Variants in PARD3B observed in about 807,000 individuals in gnomAD.
The protein encoded by PARD3B is partitioning defective 3 homolog B.
A neutral mutation model predicts 130.2 loss-of-function variants in PARD3B; 103 were observed. The observed-to-expected ratio is 0.79, with a 90% confidence interval of 0.67 to 0.93. The LOEUF is 0.93. Ranked by LOEUF, PARD3B falls within the 40% of genes least tolerant of loss-of-function variation. The probability of loss-of-function intolerance (pLI) is 0.00; values close to 1 mark genes in which losing one functional copy is unlikely to be tolerated. For synonymous variants in PARD3B, 583 were observed against 553.2 expected, an observed-to-expected ratio of 1.05 and a Z score of -0.76; for missense variants, 1,609 against 1,499.2, an observed-to-expected ratio of 1.07 and a Z score of -1.21.
chr2:204,692,192 A>T (rs371492308), intron 2 of PARD3B, among the ~76,000 whole-genome samples: 1 of 152,090 alleles, frequency 6.6e-6, no homozygotes, highest in African/African-American at 2.4e-5. Flanking sequence ...TTATTTGAAA[A>T]TAATTTTTGC....
intron 2 of PARD3B, among the ~76,000 whole-genome samples, chr2:204,789,706 G>A (rs777295437): frequency 2.6e-5 from 4 of 151,816 alleles, no homozygotes; most frequent in South Asian, 2.1e-4. Context: ...ATTTGTTCTC[G>A]GAAATTTTTA....
rs200148639 is a variant in PARD3B at position 204,623,130 on chromosome 2, T to A, written c.121-63051T>A. 6.6e-5 allele frequency among the ~76,000 whole-genome samples: 10 copies of A among 152,308 alleles called. No homozygotes were observed. In the East Asian group the frequency reaches 1.9e-3, roughly 29 times the overall value. On this transcript the variant is annotated intron_variant, in intron 1 of 22. Transcript: ENST00000406610. The surrounding 1 kb of genome is among the most constrained non-coding windows in gnomAD (Gnocchi z 4.5). ...GGCTGTATCCTTAGCCAGCAATTTTTATTTTTTAAAACTCTTTGTTTTGAA... is the reference window on the plus strand; with the variant it reads ...GGCTGTATCCTTAGCCAGCAATTTTAATTTTTTAAAACTCTTTGTTTTGAA...
intron 20 of PARD3B, among the ~76,000 whole-genome samples, chr2:205,494,400 A>G (rs1445961357): frequency 6.6e-6 from 1 of 151,996 alleles, no homozygotes; most frequent in African/African-American, 2.4e-5. Context: ...CTGCCTCTCA[A>G]TCCTGGTCCT....
intron 22 of PARD3B, among the ~76,000 whole-genome samples, chr2:205,599,894 T>C (rs1464411120): frequency 6.6e-6 from 1 of 152,182 alleles, no homozygotes; most frequent in African/African-American, 2.4e-5. Context: ...ATCAACAGAG[T>C]AGGCCCAGTT....
At chr2:205,054,404 T>TTTTATA (rs1479400750) in intron 4 of PARD3B, among the ~76,000 whole-genome samples, 3 of 33,810 alleles carry the variant, frequency 8.9e-5, no homozygotes, top group Non-Finnish European at 1.8e-4. Context: ...GACATGTCTT[T>TTTTATA]TATATATATA....
In PARD3B at chr2:204,967,840, G is replaced by C. The variant is rs1360200355; in HGVS notation, c.394+2517G>C. ...TGTGGTTGGCAGTAGAGGCAGTATT[G>C]ATGGCACTTCTGGGAGTGTGACCTG... On this transcript the variant is annotated intron_variant, in intron 3 of 22. Coordinates refer to ENST00000406610, the MANE Select transcript of PARD3B (RefSeq NM_001302769.2). This position sits in a 1 kb window ranked among gnomAD's most constrained non-coding sequence, Gnocchi z 4.4. Among the ~76,000 whole-genome samples, 1 of 152,130 alleles carries C rather than the reference G, an allele frequency of 6.6e-6. No individual in the cohort carries two copies. Among genetic ancestry groups the C allele is most frequent in the Non-Finnish European group, 1.5e-5 (1 of 68,024 alleles).
chr2:204,585,371 T>G lies in PARD3B; in HGVS notation c.120+39252T>G, dbSNP rs547922391. ...TTCTTTTCTTCAGATCTTGCTCTGT[T>G]GCCCAGGCTGGAGTGCAGTGGTGCA... On this transcript the variant is annotated intron_variant, in intron 1 of 22. Coordinates refer to ENST00000406610, the MANE Select transcript of PARD3B (RefSeq NM_001302769.2). Among the ~76,000 whole-genome samples the G allele has an allele frequency of 2.2e-4, 33 of 152,292 alleles. No homozygotes were observed. The South Asian group carries it at 6.8e-3, about 32-fold the overall frequency.
chr2:205,343,473 G>GT (rs2043621837), intron 18 of PARD3B, among the ~76,000 whole-genome samples: 1 of 152,176 alleles, frequency 6.6e-6, no homozygotes, highest in Non-Finnish European at 1.5e-5. Context: ...CTTCAAACAC[G>GT]TAACTTCAGA....
chr2:204,976,799 G>A (rs980494838), intron 3 of PARD3B, among the ~76,000 whole-genome samples: 5 of 151,610 alleles, frequency 3.3e-5, no homozygotes, highest in African/African-American at 4.9e-5. Flanking sequence ...TAGTAGAGAC[G>A]GGGTTTCACC....
chr2:204,761,937 C>G (rs185106012), intron 2 of PARD3B, among the ~76,000 whole-genome samples: 50 of 151,924 alleles, frequency 3.3e-4, no homozygotes, highest in African/African-American at 1.1e-3. Context: ...ATCAGGCTTT[C>G]AATTTCAAAA....
chr2:204,755,917 G>A (rs2040649267), intron 2 of PARD3B, among the ~76,000 whole-genome samples: 1 of 152,066 alleles, frequency 6.6e-6, no homozygotes, highest in African/African-American at 2.4e-5. Context: ...GGTGAATTAG[G>A]ATTTTTAGAG....
chr2:205,390,306 A>C (rs1393845319), intron 18 of PARD3B, among the ~76,000 whole-genome samples: 1 of 152,046 alleles, frequency 6.6e-6, no homozygotes, highest in Non-Finnish European at 1.5e-5. Context: ...ATATGAAAAA[A>C]AAAAAAGCTC....
intron 1 of PARD3B, among the ~76,000 whole-genome samples, chr2:204,641,352 T>A (rs1182357359): frequency 6.6e-6 from 1 of 151,980 alleles, no homozygotes; most frequent in Non-Finnish European, 1.5e-5. Flanking sequence ...GTTTTGGGGA[T>A]AATGAATAGA....
In PARD3B at chr2:205,160,416, G is replaced by T. The variant is rs1466631376; in HGVS notation, c.1620+1509G>T. The stretch of plus-strand genomic sequence containing the variant: ...CCTCTCATGCCTCGAGCTGTCAGAG[G>T]GCCAGCGGCAGTGGGTGAATCCGCG... On this transcript the variant is annotated intron_variant, in intron 11 of 22. Coordinates refer to ENST00000406610, the MANE Select transcript of PARD3B (RefSeq NM_001302769.2). The surrounding 1 kb of genome is among the most constrained non-coding windows in gnomAD (Gnocchi z 4.0). Among the ~76,000 whole-genome samples, 13 of 152,118 alleles carry T rather than the reference G, an allele frequency of 8.5e-5. No individual in the cohort carries two copies. The highest frequency in any genetic ancestry group is 7.9e-4 in the Admixed American group (12 of 15,278).
chr2:204,869,948 T>A lies in PARD3B; in HGVS notation c.223-95204T>A, dbSNP rs558797444. Reference sequence around the variant, plus strand: ...TATCCAGTCAATTACCAGTTTTCTGTTACCTCAGCCACTGGTCAGCATAGT... The same window carrying A: ...TATCCAGTCAATTACCAGTTTTCTGATACCTCAGCCACTGGTCAGCATAGT... On this transcript the variant is annotated intron_variant, in intron 2 of 22. Transcript: ENST00000406610. Among the ~76,000 whole-genome samples, 332 of 152,296 alleles carry A rather than the reference T, an allele frequency of 2.2e-3. 1 individual carries two copies. The highest frequency in any genetic ancestry group is 7.7e-3 in the African/African-American group (319 of 41,554).
chr2:204,711,386 A>G (rs1215418264), intron 2 of PARD3B, among the ~76,000 whole-genome samples: 1 of 152,184 alleles, frequency 6.6e-6, no homozygotes, highest in African/African-American at 2.4e-5. Flanking sequence ...TACATATTAA[A>G]TGTATGAACA....
In PARD3B at chr2:205,391,596, A is replaced by G. The variant is rs77087253; in HGVS notation, c.2631-9417A>G. Among the ~76,000 whole-genome samples, 35 of 152,346 alleles carry G rather than the reference A, an allele frequency of 2.3e-4. No individual in the cohort carries two copies. In the East Asian group the frequency reaches 6.2e-3, roughly 27 times the overall value. On this transcript the variant is annotated intron_variant, in intron 18 of 22. Coordinates refer to ENST00000406610, the MANE Select transcript of PARD3B (RefSeq NM_001302769.2). ...TCGTAAGCATTTCATCTGAGTCACT[A>G]AGGCTCTTGACTACCATGTTTTGAA...
At chr2:205,073,197 A>G (rs1175621711) in intron 4 of PARD3B, among the ~76,000 whole-genome samples, 2 of 152,160 alleles carry the variant, frequency 1.3e-5, no homozygotes, top group African/African-American at 4.8e-5. Flanking sequence ...AAAGTGGGCC[A>G]CTTAAAAAAT....
chr2:205,289,099 G>A (rs2041507352), intron 16 of PARD3B, among the ~76,000 whole-genome samples: 1 of 152,152 alleles, frequency 6.6e-6, no homozygotes, highest in Non-Finnish European at 1.5e-5. Context: ...AATTGTTTTA[G>A]CATGTTACTT....
Sources: gnomAD v4.1 joint callset for allele counts (sites outside exome capture counted in the v4.1 genomes callset) on GRCh38, gnomAD v4.1.1 for gene constraint, Gnocchi (gnomAD v3.1) non-coding constraint, MANE v1.5 for transcripts, NCBI Gene and HGNC (gene_info 2026-07-23, HGNC 2026-07-21) for gene names.